Variants in PTPN12 observed in about 807,000 individuals in gnomAD.
The protein encoded by PTPN12 is tyrosine-protein phosphatase non-receptor type 12.
Under a neutral mutation model 97.6 loss-of-function variants are expected in PTPN12, and 29 were observed. That is an observed-to-expected ratio of 0.30 (90% CI 0.22 to 0.41). The LOEUF is 0.41. Among genes scored for constraint, PTPN12 ranks in the 10% least tolerant of loss-of-function variants. The pLI is 1.00. For synonymous variants in PTPN12, 327 were observed against 300.4 expected, an observed-to-expected ratio of 1.09 and a Z score of -0.91; for missense variants, 819 against 926.0, an observed-to-expected ratio of 0.88 and a Z score of 1.50.
chr7:77,618,174 G>A (rs987204930), intron 11 of PTPN12, among the ~76,000 whole-genome samples: 2 of 151,932 alleles, frequency 1.3e-5, no homozygotes, highest in African/African-American at 4.8e-5. Context: ...GGGATACTAC[G>A]TTCTTTAATC....
At chr7:77,556,268 GC>G (rs1312818786) in intron 1 of PTPN12, among the ~76,000 whole-genome samples, 1 of 152,066 alleles carries the variant, frequency 6.6e-6, no homozygotes, top group South Asian at 2.1e-4. Context: ...TCGTCATGTT[GC>G]CCAGGCTGGT....
At chr7:77,568,360 A>G (rs1407252114) in intron 1 of PTPN12, among the ~76,000 whole-genome samples, 1 of 152,150 alleles carries the variant, frequency 6.6e-6, no homozygotes, top group African/African-American at 2.4e-5. Flanking sequence ...TGGGCCAGGC[A>G]TGGTGGCTTA....
At chr7:77,538,923 G>C (rs1010491775) in intron 1 of PTPN12, 1 of 152,186 alleles carries the variant, frequency 6.6e-6, no homozygotes, top group South Asian at 2.1e-4. Context: ...TTGGGAATGG[G>C]AAATAAGCTG....
intron 1 of PTPN12, among the ~76,000 whole-genome samples, chr7:77,556,292 G>A (rs538545370): frequency 6.0e-4 from 91 of 152,044 alleles, no homozygotes; most frequent in African/African-American, 2.2e-3. Flanking sequence ...CGAACTCCTG[G>A]GCTGAAGAGA....
At chr7:77,550,123 G>T (rs1807414061) in intron 1 of PTPN12, among the ~76,000 whole-genome samples, 2 of 152,072 alleles carry the variant, frequency 1.3e-5, no homozygotes, top group Non-Finnish European at 2.9e-5. Context: ...GCCTGCCTTT[G>T]TGCCTCCCTT....
In PTPN12 at chr7:77,593,055, G is replaced by A. The variant is rs904328585; in HGVS notation, c.492+799G>A. On this transcript the variant is annotated intron_variant, in intron 6 of 17. Transcript: ENST00000248594. ...AGGCCAAGGCGAGTGGATCACTTGA[G>A]GTCAGGAGTTCGAGACCAGCCTGGA... 2.0e-5 allele frequency among the ~76,000 whole-genome samples: 3 copies of A among 152,198 alleles called. No individual in the cohort carries two copies. The South Asian group carries it at 6.2e-4, about 32-fold the overall frequency.
At chr7:77,635,962 A>C (rs1789575232) in intron 15 of PTPN12, 113 bp downstream of exon 15, 1 of 644,200 alleles carries the variant, frequency 1.6e-6, no homozygotes, top group Admixed American at 4.0e-5. Flanking sequence ...TATAGTTTGT[A>C]ATTTTTGATC....
chr7:77,599,345 G>C (rs1439741889), intron 7 of PTPN12, among the ~76,000 whole-genome samples: 2 of 144,988 alleles, frequency 1.4e-5, no homozygotes, highest in Non-Finnish European at 3.0e-5. Flanking sequence ...TGGCAACAGG[G>C]TCTCACTATA....
intron 11 of PTPN12, among the ~76,000 whole-genome samples, chr7:77,617,169 G>T (rs1400130641): frequency 3.9e-5 from 6 of 152,106 alleles, no homozygotes; most frequent in Admixed American, 2.0e-4. Context: ...CCTGATTTGC[G>T]TGAGGCACAC....
intron 13 of PTPN12, among the ~76,000 whole-genome samples, chr7:77,629,570 A>AAACC (rs1230803816): frequency 6.6e-6 from 1 of 151,948 alleles, no homozygotes; most frequent in Non-Finnish European, 1.5e-5. Context: ...TTTTTAAAAA[A>AAACC]AACCAAAAAA....
rs578079593 is a variant in PTPN12, at chr7:77,573,401, GCACTT to G, written c.208+2219_208+2223del. 3.3e-3 allele frequency among the ~76,000 whole-genome samples: 503 copies of G among 152,252 alleles called. 3 individuals are homozygous for G. The highest frequency in any genetic ancestry group is 0.011 in the African/African-American group (438 of 41,550). ...GGCTCATAGATGGTGCCTTCTCACTGCACTTCACATGGTGGAAGGGGCAAACAAGC... is the reference window on the plus strand; with the variant it reads ...GGCTCATAGATGGTGCCTTCTCACTGCACATGGTGGAAGGGGCAAACAAGC... On this transcript the variant is annotated intron_variant, in intron 2 of 17. Transcript: ENST00000248594.
At chr7:77,560,095 G>A (rs557945822) in intron 1 of PTPN12, among the ~76,000 whole-genome samples, 1 of 152,304 alleles carries the variant, frequency 6.6e-6, no homozygotes, top group African/African-American at 2.4e-5. Flanking sequence ...GCCAGTCGTC[G>A]TCATAAAAGT....
At chr7:77,631,753 A>G (rs184498202) in intron 13 of PTPN12, among the ~76,000 whole-genome samples, 15 of 152,372 alleles carry the variant, frequency 9.8e-5, no homozygotes, top group Non-Finnish European at 1.5e-5. Flanking sequence ...AGCAATAAAT[A>G]AATGAAGATT....
At chr7:77,638,776 C>A in intron 17 of PTPN12, 45 bp downstream of exon 17, 3 of 1,554,196 alleles carry the variant, frequency 1.9e-6, no homozygotes, top group South Asian at 1.3e-5. Context: ...TTAACACTGG[C>A]AGGAATGAGA....
At chr7:77,571,528 A>G (rs1198086089) in intron 2 of PTPN12, among the ~76,000 whole-genome samples, 2 of 152,168 alleles carry the variant, frequency 1.3e-5, no homozygotes, top group Non-Finnish European at 2.9e-5. Flanking sequence ...AATGCTAACA[A>G]TGTTGATTTT....
At chr7:77,584,070 G>C (rs1466224427) in intron 4 of PTPN12, among the ~76,000 whole-genome samples, 1 of 152,116 alleles carries the variant, frequency 6.6e-6, no homozygotes, top group East Asian at 1.9e-4. Context: ...TCTATCCCTG[G>C]AGTTCATTCA....
At chr7:77,612,133 G>A (rs935237072) in intron 11 of PTPN12, among the ~76,000 whole-genome samples, 1 of 152,022 alleles carries the variant, frequency 6.6e-6, no homozygotes, top group African/African-American at 2.4e-5. Context: ...TCAGTTCCCA[G>A]AATATTTGTT....
intron 1 of PTPN12, chr7:77,538,808 C>T (rs985472729): frequency 3.3e-5 from 5 of 151,840 alleles, no homozygotes; most frequent in African/African-American, 1.2e-4. Flanking sequence ...GCTGCTGCTC[C>T]TACGGATATT....
intron 11 of PTPN12, among the ~76,000 whole-genome samples, chr7:77,616,151 TCCA>T (rs1030158527): frequency 3.9e-5 from 6 of 152,338 alleles, no homozygotes; most frequent in African/African-American, 1.2e-4. Context: ...TCTTTACCCT[TCCA>T]CCTGTTTTCC....
Sources: gnomAD v4.1 joint callset for allele counts (sites outside exome capture counted in the v4.1 genomes callset) on GRCh38, gnomAD v4.1.1 for gene constraint, MANE v1.5 for transcripts, NCBI Gene and HGNC (gene_info 2026-07-23, HGNC 2026-07-21) for gene names.